Variants in LARP4B observed in about 807,000 individuals in gnomAD.
The protein encoded by LARP4B is la-related protein 4B.
A neutral mutation model predicts 89.8 loss-of-function variants in LARP4B; 12 were observed. The observed-to-expected ratio is 0.13, with a 90% confidence interval of 0.09 to 0.22. LARP4B has a LOEUF of 0.22. LARP4B is among the 10% of genes least tolerant of loss of function. The pLI is 1.00. For missense variants in LARP4B, 757 were observed against 947.7 expected (o/e 0.80, Z 2.64); for synonymous variants, 367 against 363.3 (o/e 1.01, Z -0.12).
intron 8 of LARP4B, among the ~76,000 whole-genome samples, chr10:835,555 G>A (rs939941218): frequency 1.3e-5 from 2 of 152,192 alleles, no homozygotes; most frequent in Non-Finnish European, 2.9e-5. Context: ...ATGATCTCAA[G>A]GTGTGACCAT....
At position 848,566 on chromosome 10, in the gene LARP4B, TA is replaced by T. The variant is rs71297917; in HGVS notation, c.431-3512del. On this transcript the variant is annotated intron_variant, in intron 5 of 17. Transcript: ENST00000316157. The stretch of plus-strand genomic sequence containing the variant: ...AGTCAGGTAAGGACATAAAAGTTAT[TA>T]AAAAAAAAAAAGAAAAAACTTATAG... Among the ~76,000 whole-genome samples, 685 of 143,294 alleles carry T rather than the reference TA, an allele frequency of 4.8e-3. 4 individuals carry two copies. The highest frequency in any genetic ancestry group is 0.017 in the Middle Eastern group (5 of 286). 94.0% of individuals were successfully genotyped at this position (143,294 alleles called of 152,430 possible).
intron 8 of LARP4B, among the ~76,000 whole-genome samples, chr10:831,934 T>A (rs902958587): frequency 6.6e-6 from 1 of 152,234 alleles, no homozygotes; most frequent in African/African-American, 2.4e-5. Flanking sequence ...ACAGATACGA[T>A]AGACTTAATA....
At chr10:973,018 G>A in the LARP4B span, 1 of 384,878 alleles carries the variant, frequency 2.6e-6, no homozygotes, top group Non-Finnish European at 5.1e-6. Flanking sequence ...AAGAGGCAAG[G>A]AGGCTAATGG....
intron 1 of LARP4B, among the ~76,000 whole-genome samples, chr10:887,145 G>A (rs926756448): frequency 1.3e-5 from 2 of 152,014 alleles, no homozygotes; most frequent in Non-Finnish European, 2.9e-5. Flanking sequence ...CAGGTAGGGA[G>A]GAAATGAAGA....
At chr10:890,664 TC>T (rs1835989984) in intron 1 of LARP4B, among the ~76,000 whole-genome samples, 1 of 152,188 alleles carries the variant, frequency 6.6e-6, no homozygotes, top group African/African-American at 2.4e-5. Flanking sequence ...CAATGAAGAA[TC>T]CCTGGAGCAA....
intron 11 of LARP4B, among the ~76,000 whole-genome samples, chr10:827,830 T>C (rs985453852): frequency 6.6e-6 from 1 of 152,352 alleles, no homozygotes; most frequent in East Asian, 1.9e-4. Context: ...TCTCATGATA[T>C]GCTTTTGGGA....
intron 1 of LARP4B, among the ~76,000 whole-genome samples, chr10:928,602 G>T (rs1361815291): frequency 1.3e-5 from 2 of 152,088 alleles, no homozygotes; most frequent in Non-Finnish European, 2.9e-5. Context: ...GGGGTGGGGG[G>T]AGACAAGGTC....
intron 3 of LARP4B, chr10:870,005 A>G (rs1835120400): frequency 2.0e-5 from 19 of 972,742 alleles, no homozygotes; most frequent in Admixed American, 6.2e-5. Flanking sequence ...CACAGAAAAC[A>G]TACTTACGAA....
intron 13 of LARP4B, among the ~76,000 whole-genome samples, chr10:823,534 A>C (rs968592566): frequency 6.6e-6 from 1 of 151,858 alleles, no homozygotes; most frequent in African/African-American, 2.4e-5. Context: ...ATTTGCCAGG[A>C]AACTCCTTGT....
the LARP4B span, among the ~76,000 whole-genome samples, chr10:981,387 C>G: frequency 6.6e-6 from 1 of 152,172 alleles, no homozygotes; most frequent in South Asian, 2.1e-4. Context: ...TAGCAATGCT[C>G]CACTCGTTGG....
intron 1 of LARP4B, among the ~76,000 whole-genome samples, chr10:922,149 A>G (rs1231810130): frequency 6.6e-6 from 1 of 152,236 alleles, no homozygotes; most frequent in Admixed American, 6.5e-5. Context: ...ATCAGGCACT[A>G]GATTCTCATA....
intron 5 of LARP4B, among the ~76,000 whole-genome samples, chr10:845,544 T>C (rs925028950): frequency 3.9e-5 from 6 of 152,056 alleles, no homozygotes; most frequent in Non-Finnish European, 8.8e-5. Flanking sequence ...ACTTCCAGAG[T>C]CGAAGGAACA....
intron 13 of LARP4B, 65 bp from the exon 14 acceptor site, chr10:820,910 G>A (rs966949568): frequency 2.9e-5 from 41 of 1,393,192 alleles, no homozygotes; most frequent in Admixed American, 1.9e-4. Context: ...TATTGAGCAC[G>A]TTTGCACTCA....
intron 1 of LARP4B, among the ~76,000 whole-genome samples, chr10:906,937 A>G (rs985678817): frequency 3.9e-5 from 6 of 152,132 alleles, no homozygotes; most frequent in African/African-American, 1.4e-4. Flanking sequence ...CCCAAACTCC[A>G]CAGATTCTTC....
chr10:870,442 G>A (rs1249508144), intron 3 of LARP4B, among the ~76,000 whole-genome samples: 6 of 152,164 alleles, frequency 3.9e-5, no homozygotes, highest in South Asian at 2.1e-4. Context: ...GCGCTGCATC[G>A]CAGGGGGCAC....
chr10:820,913 T>C, intron 13 of LARP4B, 68 bp from the exon 14 acceptor site: 3 of 1,342,234 alleles, frequency 2.2e-6, no homozygotes, highest in South Asian at 1.2e-5. Context: ...TGAGCACGTT[T>C]GCACTCACAT....
chr10:973,101 G>A, the LARP4B span: 21 of 359,998 alleles, frequency 5.8e-5, no homozygotes, highest in Non-Finnish European at 8.7e-5. Flanking sequence ...TGCCTTTCTT[G>A]CAGAGAGTAA....
intron 3 of LARP4B, chr10:873,098 T>C: frequency 1.0e-6 from 1 of 985,366 alleles, no homozygotes. Context: ...GCCAGTTTTT[T>C]CACTGTCATT....
At position 825,116 on chromosome 10, in the gene LARP4B, C is replaced by T. The variant is rs765964052; in HGVS notation, c.1433G>A (p.Gly478Glu). The change falls in exon 13 of 18, where the codon GGG becomes GAG. Residue 478 changes from glycine (G) to glutamate (E), a missense_variant. Gly to Glu is a moderately conservative substitution (Grantham distance 98, BLOSUM62 -2). Coordinates refer to ENST00000316157, the MANE Select transcript of LARP4B (RefSeq NM_015155.3). ...SAYAKREAGP[G>E]RVEPGSLESS... is the part of the protein sequence containing the mutation. Reference sequence around the variant, plus strand: ...TTCGAGACTGCCTGGCTCCACACGCCCAGGCCCAGCCTCTCTCTTGGCATA... The same window carrying T: ...TTCGAGACTGCCTGGCTCCACACGCTCAGGCCCAGCCTCTCTCTTGGCATA... 15 of 1,614,110 alleles carry T rather than the reference C, an allele frequency of 9.3e-6. No homozygotes were observed. The highest frequency in any genetic ancestry group is 1.3e-5 in the African/African-American group (1 of 74,936).
Sources: gnomAD v4.1 joint callset for allele counts (sites outside exome capture counted in the v4.1 genomes callset) on GRCh38, gnomAD v4.1.1 for gene constraint, MANE v1.5 for transcripts, NCBI Gene and HGNC (gene_info 2026-07-23, HGNC 2026-07-21) for gene names.